Variants in MAML3 observed in about 807,000 individuals in gnomAD.
MAML3 encodes mastermind like transcriptional coactivator 3, also known as mastermind-like protein 3.
Under a neutral mutation model 101.9 loss-of-function variants are expected in MAML3, and 27 were observed. That is an observed-to-expected ratio of 0.27 (90% CI 0.20 to 0.37). The LOEUF (loss-of-function observed/expected upper bound fraction) is 0.37, where lower values mean the gene tolerates loss of function less well. MAML3 is among the 10% of genes least tolerant of loss of function. The pLI is 1.00. For synonymous variants in MAML3, 501 were observed against 555.9 expected, an observed-to-expected ratio of 0.90 and a Z score of 1.39; for missense variants, 1,316 against 1,444.9, an observed-to-expected ratio of 0.91 and a Z score of 1.45.
rs139110176 is a variant in MAML3 at position 139,882,729 on chromosome 4, A to G, written c.2079+6628T>C. ...CTGGGTGTGGTGGCACGCACCTGTA[A>G]TCCCAGCTACTCAGGAGCCTGAGGC... On this transcript the variant is annotated intron_variant, in intron 2 of 4. Transcript: ENST00000509479. Among the ~76,000 whole-genome samples, 781 of 152,220 alleles carry G rather than the reference A, an allele frequency of 5.1e-3. 5 individuals are homozygous for G. Among genetic ancestry groups the G allele is most frequent in the African/African-American group, 0.018 (727 of 41,532 alleles).
intron 1 of MAML3, among the ~76,000 whole-genome samples, chr4:139,979,380 A>C (rs1044442148): frequency 6.6e-6 from 1 of 151,582 alleles, no homozygotes; most frequent in Non-Finnish European, 1.5e-5. Context: ...TTGTCCAACC[A>C]CCCCTCCATA....
chr4:139,854,112 C>A (rs548298776), intron 2 of MAML3, among the ~76,000 whole-genome samples: 1 of 152,132 alleles, frequency 6.6e-6, no homozygotes, highest in African/African-American at 2.4e-5. Context: ...CATGAGCCAC[C>A]GTGCCCGGCC....
At chr4:139,812,985 A>AT (rs1730830678) in intron 2 of MAML3, among the ~76,000 whole-genome samples, 1 of 150,956 alleles carries the variant, frequency 6.6e-6, no homozygotes, top group African/African-American at 2.4e-5. Flanking sequence ...AAAAAAAAAA[A>AT]AAAGGGGAGA....
rs578073704 is a variant in MAML3, at chr4:140,027,756, A to G, written c.468+125104T>C. ...GTTTTCAATCAATTTGACACATTCA[A>G]GTCAATTTGAATTCATTTTCTGAAC... On this transcript the variant is annotated intron_variant, in intron 1 of 4. Transcript: ENST00000509479. Among the ~76,000 whole-genome samples the G allele has an allele frequency of 9.0e-4, 137 of 152,324 alleles. 1 individual carries two copies. The highest frequency in any genetic ancestry group is 1.6e-3 in the Non-Finnish European group (110 of 68,022).
chr4:139,728,457 C>T (rs762930628), intron 3 of MAML3, among the ~76,000 whole-genome samples: 6 of 152,222 alleles, frequency 3.9e-5, no homozygotes, highest in Non-Finnish European at 8.8e-5. Flanking sequence ...TTATGTGATC[C>T]TTAAAGCAGC....
intron 1 of MAML3, among the ~76,000 whole-genome samples, chr4:139,995,787 T>G (rs1734797059): frequency 1.3e-5 from 2 of 152,112 alleles, no homozygotes. Flanking sequence ...TTTTCTTTTC[T>G]ATTTTATTGA....
intron 2 of MAML3, among the ~76,000 whole-genome samples, chr4:139,826,226 G>C (rs537545694): frequency 6.6e-6 from 1 of 152,094 alleles, no homozygotes; most frequent in East Asian, 1.9e-4. Flanking sequence ...CAGCATCCCA[G>C]GTCAATGTCC....
At chr4:140,010,488 A>T (rs936886678) in intron 1 of MAML3, among the ~76,000 whole-genome samples, 2 of 152,222 alleles carry the variant, frequency 1.3e-5, no homozygotes, top group Non-Finnish European at 2.9e-5. Context: ...ATCGGGGTAG[A>T]TCAGTTTAAA....
At chr4:140,071,157 C>T (rs529015980) in intron 1 of MAML3, among the ~76,000 whole-genome samples, 2 of 152,286 alleles carry the variant, frequency 1.3e-5, no homozygotes, top group East Asian at 1.9e-4. Flanking sequence ...AAACAACTGG[C>T]GTTTCTCACA....
chr4:139,732,534 A>G (rs1387474189), intron 2 of MAML3, among the ~76,000 whole-genome samples: 2 of 152,246 alleles, frequency 1.3e-5, no homozygotes, highest in Admixed American at 1.3e-4. Context: ...AGGTCACACA[A>G]TCAATGAATG....
At chr4:140,032,245 G>T (rs553309077) in intron 1 of MAML3, among the ~76,000 whole-genome samples, 1 of 152,146 alleles carries the variant, frequency 6.6e-6, no homozygotes, top group Non-Finnish European at 1.5e-5. Context: ...CAAAGACAAG[G>T]CAAGGGAAGC....
chr4:139,950,976 G>A (rs1206044728), intron 1 of MAML3, among the ~76,000 whole-genome samples: 1 of 152,124 alleles, frequency 6.6e-6, no homozygotes, highest in African/African-American at 2.4e-5. Context: ...TTGCCCTAAT[G>A]ACTCCCAACT....
intron 1 of MAML3, among the ~76,000 whole-genome samples, chr4:140,120,474 A>G (rs1260937024): frequency 6.6e-6 from 1 of 152,178 alleles, no homozygotes; most frequent in African/African-American, 2.4e-5. Flanking sequence ...CTATTTCCTT[A>G]TTGGTACATG....
rs150697019 is a variant in MAML3, at chr4:140,006,635, C to A, written c.469-115668G>T. Among the ~76,000 whole-genome samples the A allele has an allele frequency of 1.9e-3, 274 of 147,868 alleles. 1 individual carries two copies. Among genetic ancestry groups the A allele is most frequent in the African/African-American group, 6.5e-3 (261 of 40,184 alleles). On this transcript the variant is annotated intron_variant, in intron 1 of 4. Coordinates refer to ENST00000509479, the MANE Select transcript of MAML3 (RefSeq NM_018717.5). ...AAGTGAATTAGGAGACATTTGAAGA[C>A]CCCTGGGCAGAGCAGAAAAAAAGGT...
chr4:140,087,849 C>T (rs1021794982), intron 1 of MAML3, among the ~76,000 whole-genome samples: 2 of 152,140 alleles, frequency 1.3e-5, no homozygotes, highest in African/African-American at 2.4e-5. Context: ...CATAACTATA[C>T]AACCAACTCT....
intron 2 of MAML3, among the ~76,000 whole-genome samples, chr4:139,861,766 A>G (rs1260765183): frequency 6.6e-6 from 1 of 152,058 alleles, no homozygotes; most frequent in African/African-American, 2.4e-5. Context: ...CAGTGGGCCT[A>G]GTTACCTTTT....
chr4:139,885,017 A>G (rs923700837), intron 2 of MAML3, among the ~76,000 whole-genome samples: 13 of 152,246 alleles, frequency 8.5e-5, no homozygotes, highest in African/African-American at 3.1e-4. Context: ...TTTCATAACA[A>G]AAACACATAT....
chr4:140,042,985 G>A (rs1727112565), intron 1 of MAML3, among the ~76,000 whole-genome samples: 3 of 152,108 alleles, frequency 2.0e-5, no homozygotes, highest in Non-Finnish European at 4.4e-5. Flanking sequence ...CAGTGACCAT[G>A]CTGCCCAAGC....
intron 1 of MAML3, among the ~76,000 whole-genome samples, chr4:140,129,212 G>C (rs920718450): frequency 1.3e-5 from 2 of 152,134 alleles, no homozygotes; most frequent in African/African-American, 4.8e-5. Context: ...CAGAAAATGT[G>C]AGCTGTTAGT....
Sources: allele counts gnomAD v4.1 joint callset (sites outside exome capture counted in the v4.1 genomes callset), GRCh38; gene constraint gnomAD v4.1.1; transcripts MANE v1.5; gene names NCBI Gene and HGNC (gene_info 2026-07-23, HGNC 2026-07-21).